SFXN5: variants seen among roughly 807,000 people sequenced by gnomAD.
SFXN5 encodes the protein sideroflexin 5.
SFXN5 carries 43 observed loss-of-function variants against 50.2 expected under a neutral mutation model. The ratio of observed to expected loss-of-function variants is 0.86; its 90% CI spans 0.67 to 1.11. SFXN5 has a LOEUF of 1.11. SFXN5 is among the 50% of genes least tolerant of loss of function. The pLI, the probability that SFXN5 is intolerant of heterozygous loss-of-function variation, is 0.00. For synonymous variants in SFXN5, 203 were observed against 185.8 expected (o/e 1.09, Z -0.75); for missense variants, 463 against 454.1 (o/e 1.02, Z -0.18).
chr2:73,044,456 T>A (rs1680052419), intron 2 of SFXN5: 1 of 152,508 alleles, frequency 6.6e-6, no homozygotes, highest in South Asian at 2.1e-4. Flanking sequence ...CTGGCTGTTC[T>A]AGTGGCTGGT....
chr2:73,027,390 T>A (rs368858777), intron 3 of SFXN5, among the ~76,000 whole-genome samples: 1 of 152,370 alleles, frequency 6.6e-6, no homozygotes, highest in South Asian at 2.1e-4. Flanking sequence ...TTAAGCTAAG[T>A]GTTATTACAA....
chr2:73,025,657 T>G (rs1012506199), intron 3 of SFXN5, among the ~76,000 whole-genome samples: 3 of 151,998 alleles, frequency 2.0e-5, no homozygotes, highest in Non-Finnish European at 2.9e-5. Context: ...GGTGAGCTGA[T>G]GAAGAGATGA....
chr2:73,061,400 G>A (rs186739721), intron 1 of SFXN5, among the ~76,000 whole-genome samples: 61 of 151,952 alleles, frequency 4.0e-4, no homozygotes, highest in African/African-American at 1.4e-3. Flanking sequence ...AATAACATGT[G>A]TAAAAATACA....
intron 2 of SFXN5, among the ~76,000 whole-genome samples, chr2:73,041,989 C>T (rs1574206053): frequency 6.6e-6 from 1 of 152,146 alleles, no homozygotes; most frequent in South Asian, 2.1e-4. Context: ...GTGTGAGCCA[C>T]GGTGCCCGGC....
intron 8 of SFXN5, among the ~76,000 whole-genome samples, chr2:72,999,531 G>T (rs552069954): frequency 6.6e-6 from 1 of 152,036 alleles, no homozygotes; most frequent in Non-Finnish European, 1.5e-5. Flanking sequence ...AGACAATTAA[G>T]AAAAAGCTAA....
intron 7 of SFXN5, 100 bp downstream of exon 7, chr2:73,001,425 C>T (rs377469141): frequency 5.7e-5 from 72 of 1,260,954 alleles, no homozygotes; most frequent in Admixed American, 1.6e-4. Context: ...TGACCCTACA[C>T]GGGGTCTGGA....
chr2:72,956,368 C>T (rs1349743035), intron 13 of SFXN5, among the ~76,000 whole-genome samples: 3 of 152,212 alleles, frequency 2.0e-5, no homozygotes, highest in Non-Finnish European at 4.4e-5. Context: ...TTGGAAAAGA[C>T]ATAAACACTG....
chr2:73,030,039 T>C (rs956576722), intron 3 of SFXN5, among the ~76,000 whole-genome samples: 1 of 151,828 alleles, frequency 6.6e-6, no homozygotes, highest in Non-Finnish European at 1.5e-5. Flanking sequence ...ACCATTGCCC[T>C]CCATCCTAGG....
chr2:72,995,167 C>A (rs1574063556), intron 9 of SFXN5, among the ~76,000 whole-genome samples: 1 of 152,198 alleles, frequency 6.6e-6, no homozygotes, highest in Non-Finnish European at 1.5e-5. Context: ...GTCAATGTCT[C>A]TTACTTCCTC....
intron 6 of SFXN5, among the ~76,000 whole-genome samples, chr2:73,011,751 T>C (rs1477164751): frequency 6.6e-6 from 1 of 152,190 alleles, no homozygotes; most frequent in African/African-American, 2.4e-5. Context: ...GGCAAAAACG[T>C]TAAAAAGATG....
intron 6 of SFXN5, 69 bp downstream of exon 6, chr2:73,020,170 G>T: frequency 7.1e-7 from 1 of 1,414,610 alleles, no homozygotes. Flanking sequence ...ATACCCGTGA[G>T]CAATAACATA....
rs1229870960 is a variant in SFXN5 at position 72,953,815 on chromosome 2, C to G, written c.945+7316G>C. On this transcript the variant is annotated intron_variant, in intron 13 of 13. Transcript: ENST00000272433. This position sits in a 1 kb window ranked among gnomAD's most constrained non-coding sequence, Gnocchi z 4.1. ...TTGGTTGGGGGTCCCAATACTTTCT[C>G]AAAGAAAGATAAGCTGGGGGGACTT... 3.9e-5 allele frequency among the ~76,000 whole-genome samples: 6 copies of G among 152,148 alleles called. No individual in the cohort carries two copies. Among genetic ancestry groups the G allele is most frequent in the South Asian group, 2.1e-4 (1 of 4,826 alleles).
chr2:73,017,491 T>C (rs903230930), intron 6 of SFXN5, among the ~76,000 whole-genome samples: 12 of 152,236 alleles, frequency 7.9e-5, no homozygotes, highest in African/African-American at 2.9e-4. Context: ...CATGGTTCTC[T>C]GTGTACTCTC....
chr2:73,029,373 C>A (rs1323528731), intron 3 of SFXN5, among the ~76,000 whole-genome samples: 3 of 152,182 alleles, frequency 2.0e-5, no homozygotes, highest in Non-Finnish European at 4.4e-5. Flanking sequence ...ATATTTGACT[C>A]ATAGAACGTG....
intron 5 of SFXN5, 114 bp downstream of exon 5, chr2:73,022,408 T>G: frequency 1.3e-6 from 1 of 796,484 alleles, no homozygotes; most frequent in Non-Finnish European, 2.2e-6. Flanking sequence ...AATATGGCCA[T>G]GATTGTAACA....
chr2:73,002,058 A>G lies in SFXN5; in HGVS notation c.358-480T>C, dbSNP rs566863030. 4.9e-4 allele frequency among the ~76,000 whole-genome samples: 74 copies of G among 152,306 alleles called. 1 individual carries two copies. The highest frequency in any genetic ancestry group is 8.7e-4 in the Non-Finnish European group (59 of 68,026). ...CTGCTCACCCTAGCCTTCCCGTAGG[A>G]TTTTTGCGAGGATTAAACAAAAATC... On this transcript the variant is annotated intron_variant, in intron 6 of 13. Coordinates refer to ENST00000272433, the MANE Select transcript of SFXN5 (RefSeq NM_144579.3).
rs1338528744 is a variant in SFXN5 at position 73,023,169 on chromosome 2, G to T, written c.276+19C>A. ...AGGACAACACGGAGAAGGAAATAGAGAATCCAAAACTGGATTACCTGCTTG... is the reference window on the plus strand; with the variant it reads ...AGGACAACACGGAGAAGGAAATAGATAATCCAAAACTGGATTACCTGCTTG... On this transcript the variant is annotated intron_variant, in intron 4 of 13. Coordinates refer to ENST00000272433, the MANE Select transcript of SFXN5 (RefSeq NM_144579.3). 2 of 1,600,174 alleles carry T rather than the reference G, an allele frequency of 1.2e-6. No individual in the cohort carries two copies. The highest frequency in any genetic ancestry group is 1.7e-6 in the Non-Finnish European group (2 of 1,172,440).
Position 72,968,576 on chromosome 2 carries a change from G to A in SFXN5, c.742-43C>T, listed in dbSNP as rs370116254. On this transcript the variant is annotated intron_variant, in intron 11 of 13. Coordinates refer to ENST00000272433, the MANE Select transcript of SFXN5 (RefSeq NM_144579.3). Reference sequence around the variant, plus strand: ...GCTGTGTGAGAGGGGCCTGACAGCTGGTGACAGGACAGCACACCACCCAGA... The same window carrying A: ...GCTGTGTGAGAGGGGCCTGACAGCTAGTGACAGGACAGCACACCACCCAGA... The A allele has an allele frequency of 1.0e-4, 163 of 1,592,642 alleles. 1 individual carries two copies. The East Asian group carries it at 2.7e-3, about 27-fold the overall frequency.
intron 6 of SFXN5, among the ~76,000 whole-genome samples, chr2:73,004,524 C>A (rs144943204): frequency 6.6e-6 from 1 of 152,002 alleles, no homozygotes; most frequent in Admixed American, 6.6e-5. Context: ...GAGTGTGTCC[C>A]GGCTATCTAA....
Sources: gnomAD v4.1 joint callset for allele counts (sites outside exome capture counted in the v4.1 genomes callset) on GRCh38, gnomAD v4.1.1 for gene constraint, Gnocchi (gnomAD v3.1) non-coding constraint, MANE v1.5 for transcripts, NCBI Gene and HGNC (gene_info 2026-07-23, HGNC 2026-07-21) for gene names.